RUNDC3B: variants seen among roughly 807,000 people sequenced by gnomAD.
RUNDC3B encodes the protein RUN domain-containing protein 3B.
RUNDC3B carries 33 observed loss-of-function variants against 58.4 expected under a neutral mutation model. The ratio of observed to expected loss-of-function variants is 0.56; its 90% confidence interval spans 0.43 to 0.75. RUNDC3B has a LOEUF of 0.75. Ranked by LOEUF, RUNDC3B falls within the 30% of genes least tolerant of loss-of-function variation. RUNDC3B has a pLI of 0.00. For missense variants in RUNDC3B, 501 were observed against 535.7 expected (o/e 0.94, Z 0.64); for synonymous variants, 193 against 195.2 (o/e 0.99, Z 0.10).
At chr7:87,751,981 TG>T (rs1833027408) in intron 6 of RUNDC3B, among the ~76,000 whole-genome samples, 1 of 152,216 alleles carries the variant, frequency 6.6e-6, no homozygotes, top group Non-Finnish European at 1.5e-5. Context: ...TTCCAGTTTT[TG>T]CCCATTCAGT....
At chr7:87,770,913 G>T (rs1834241012) in intron 7 of RUNDC3B, among the ~76,000 whole-genome samples, 164 bp downstream of exon 7, 1 of 152,136 alleles carries the variant, frequency 6.6e-6, no homozygotes, top group Non-Finnish European at 1.5e-5. Context: ...AACTGTAGAA[G>T]ATACTTTTGT....
At chr7:87,801,353 G>A (rs1340933171) in intron 8 of RUNDC3B, among the ~76,000 whole-genome samples, 4 of 152,156 alleles carry the variant, frequency 2.6e-5, no homozygotes. Context: ...AGACCAGTGA[G>A]GTAAAATTTT....
intron 6 of RUNDC3B, among the ~76,000 whole-genome samples, chr7:87,761,394 G>A (rs906483156): frequency 1.3e-5 from 2 of 151,894 alleles, no homozygotes; most frequent in Non-Finnish European, 2.9e-5. Flanking sequence ...TGCAGTTGCT[G>A]TGGAAATAAG....
intron 8 of RUNDC3B, among the ~76,000 whole-genome samples, chr7:87,804,907 T>C (rs1316670083): frequency 2.0e-5 from 3 of 152,190 alleles, no homozygotes; most frequent in Non-Finnish European, 4.4e-5. Flanking sequence ...TTAACATTAA[T>C]TGGATTACCT....
In RUNDC3B at chr7:87,666,472, G is replaced by T. The variant is rs139488326; in HGVS notation, c.238+15535G>T. On this transcript the variant is annotated intron_variant, in intron 2 of 10. Transcript: ENST00000394654. ...TACTCTGTGGATAGTTTCCTTTGCTGCACAGAAGCTCTTAAGTTTAATTAG... is the reference window on the plus strand; with the variant it reads ...TACTCTGTGGATAGTTTCCTTTGCTTCACAGAAGCTCTTAAGTTTAATTAG... Among the ~76,000 whole-genome samples the T allele has an allele frequency of 3.0e-3, 455 of 152,154 alleles. 2 individuals are homozygous for T. The highest frequency in any genetic ancestry group is 0.011 in the African/African-American group (437 of 41,522).
chr7:87,656,441 T>C (rs1824113773), intron 2 of RUNDC3B, among the ~76,000 whole-genome samples: 1 of 151,996 alleles, frequency 6.6e-6, no homozygotes, highest in Non-Finnish European at 1.5e-5. Context: ...GATGCAGAGA[T>C]TCCAGTCTGG....
At chr7:87,720,930 A>ATTTAACTATTTAAAATATT (rs1830847206) in intron 4 of RUNDC3B, among the ~76,000 whole-genome samples, 1 of 404 alleles carries the variant, frequency 2.5e-3, no homozygotes, top group African/African-American at 9.1e-3. Flanking sequence ...TAATATTTTA[A>ATTTAACTATTTAAAATATT]ATAGTTAAAA....
chr7:87,639,423 C>T lies in RUNDC3B; in HGVS notation c.122+10478C>T, dbSNP rs190518080. Among the ~76,000 whole-genome samples the T allele has an allele frequency of 2.0e-5, 3 of 152,100 alleles. No individual in the cohort carries two copies. The East Asian group carries it at 5.8e-4, about 29-fold the overall frequency. On this transcript the variant is annotated intron_variant, in intron 1 of 10. Transcript: ENST00000394654. ...TCAGTTAAGTCTAGTGTTTTAATTG[C>T]CTTGTTCATGTCCTCTGTATTCTTA...
chr7:87,736,728 T>C (rs975502527), intron 4 of RUNDC3B, among the ~76,000 whole-genome samples: 2 of 148,916 alleles, frequency 1.3e-5, no homozygotes, highest in African/African-American at 4.9e-5. Context: ...TTTCAACATT[T>C]ATAATATGTT....
intron 2 of RUNDC3B, among the ~76,000 whole-genome samples, chr7:87,672,758 G>A (rs567652775): frequency 2.0e-5 from 3 of 152,182 alleles, no homozygotes; most frequent in Non-Finnish European, 4.4e-5. Context: ...GAGAAGTGTG[G>A]TTTCCTGAGG....
intron 2 of RUNDC3B, among the ~76,000 whole-genome samples, chr7:87,692,401 G>A (rs895200663): frequency 2.0e-5 from 3 of 152,264 alleles, no homozygotes; most frequent in South Asian, 2.1e-4. Flanking sequence ...AGGTTGCAGC[G>A]AGCTATGAAT....
At chr7:87,793,441 A>T (rs1835636095) in intron 8 of RUNDC3B, among the ~76,000 whole-genome samples, 1 of 152,136 alleles carries the variant, frequency 6.6e-6, no homozygotes, top group Admixed American at 6.5e-5. Context: ...ATACTAGCAA[A>T]CCAAATTCAA....
intron 3 of RUNDC3B, among the ~76,000 whole-genome samples, chr7:87,706,382 G>A (rs1829586853): frequency 6.6e-6 from 1 of 152,136 alleles, no homozygotes. Flanking sequence ...AGGAGTAGAA[G>A]CAGAGAATTT....
chr7:87,750,963 A>G (rs202214625), intron 6 of RUNDC3B, among the ~76,000 whole-genome samples: 4 of 152,136 alleles, frequency 2.6e-5, no homozygotes, highest in African/African-American at 4.8e-5. Flanking sequence ...CCATGCCTAT[A>G]TCCTGAATGG....
intron 2 of RUNDC3B, among the ~76,000 whole-genome samples, chr7:87,676,586 C>T (rs1460089621): frequency 6.6e-6 from 1 of 151,662 alleles, no homozygotes; most frequent in African/African-American, 2.4e-5. Context: ...TGCCTGTAGT[C>T]CCAGCTACTC....
At chr7:87,801,656 C>A (rs568279217) in intron 8 of RUNDC3B, among the ~76,000 whole-genome samples, 50 of 152,214 alleles carry the variant, frequency 3.3e-4, no homozygotes, top group African/African-American at 1.1e-3. Context: ...GTAGTCCCAG[C>A]TACTTGGGAG....
chr7:87,731,589 A>G (rs1831579507), intron 4 of RUNDC3B, among the ~76,000 whole-genome samples: 1 of 152,222 alleles, frequency 6.6e-6, no homozygotes, highest in Non-Finnish European at 1.5e-5. Context: ...TTCCATGCCA[A>G]TGGAACCAAA....
chr7:87,667,781 T>A (rs78915228), intron 2 of RUNDC3B, among the ~76,000 whole-genome samples: 1 of 152,150 alleles, frequency 6.6e-6, no homozygotes, highest in African/African-American at 2.4e-5. Context: ...ATGTGATGAA[T>A]CATGTTTATT....
intron 8 of RUNDC3B, among the ~76,000 whole-genome samples, chr7:87,786,098 T>G (rs1835199235): frequency 6.6e-6 from 1 of 152,162 alleles, no homozygotes; most frequent in Non-Finnish European, 1.5e-5. Flanking sequence ...TGAAATGTGA[T>G]GGTTTACTTG....
Sources: gnomAD v4.1 joint callset for allele counts (sites outside exome capture counted in the v4.1 genomes callset) on GRCh38, gnomAD v4.1.1 for gene constraint, MANE v1.5 for transcripts, NCBI Gene and HGNC (gene_info 2026-07-23, HGNC 2026-07-21) for gene names.